Variants in ERCC6 observed in about 807,000 individuals in gnomAD.
ERCC6 encodes the protein DNA excision repair protein ERCC-6.
ERCC6 carries 116 observed loss-of-function variants against 158.7 expected under a neutral mutation model. That is an observed-to-expected ratio of 0.73 (90% CI 0.63 to 0.85). The LOEUF (loss-of-function observed/expected upper bound fraction) is 0.85, where lower values mean the gene tolerates loss of function less well. Among genes scored for constraint, ERCC6 ranks in the 40% least tolerant of loss-of-function variants. The pLI, the probability that ERCC6 is intolerant of heterozygous loss-of-function variation, is 0.00. For synonymous variants in ERCC6, 678 were observed against 659.3 expected, an observed-to-expected ratio of 1.03 and a Z score of -0.43; for missense variants, 1,698 against 1,799.4, an observed-to-expected ratio of 0.94 and a Z score of 1.02.
chr10:49,510,262 G>T (rs1341244802), intron 5 of ERCC6, among the ~76,000 whole-genome samples: 3 of 152,080 alleles, frequency 2.0e-5, no homozygotes, highest in Admixed American at 6.5e-5. Flanking sequence ...GCCATTTAAA[G>T]TTAATTTATT....
chr10:49,473,441 G>A lies in ERCC6; in HGVS notation c.2709+36C>T, dbSNP rs892990316. On this transcript the variant is annotated intron_variant, in intron 14 of 20. Coordinates refer to ENST00000355832, the MANE Select transcript of ERCC6 (RefSeq NM_000124.4). ...TAGTCCTTTCCCTCCACGTACAGCA[G>A]CACCACTCAACTTCCCTGTTACATT... The A allele has an allele frequency of 5.4e-6, 7 of 1,298,004 alleles. No individual in the cohort carries two copies. In the African/African-American group the frequency reaches 7.3e-5, roughly 13 times the overall value. The allele number at this position is 1,298,004 out of a possible 1,614,324, so 80.4% of individuals were successfully genotyped here.
At position 49,532,918 on chromosome 10, in the gene ERCC6, T is replaced by C; in HGVS notation, c.47A>G (p.Asp16Gly). The C allele has an allele frequency of 6.2e-7, 1 of 1,614,250 alleles. No individual in the cohort carries two copies. Among genetic ancestry groups the C allele is most frequent in the South Asian group, 1.1e-5 (1 of 91,088 alleles). Residue 16 changes from aspartate to glycine, a missense_variant, in exon 2 of 21, where the codon GAC becomes GGC. Physicochemically the swap from Asp to Gly is moderately conservative, Grantham distance 94. Coordinates refer to ENST00000355832, the MANE Select transcript of ERCC6 (RefSeq NM_000124.4). ...IPHSSQTQEQ[D>G]CLQSQPVSNN... is the part of the protein sequence containing the mutation. Reference sequence around the variant, plus strand: ...ACTGACAGGTTGACTCTGTAAACAGTCTTGCTCCTGAGTTTGACTTGAGTG... The same window carrying C: ...ACTGACAGGTTGACTCTGTAAACAGCCTTGCTCCTGAGTTTGACTTGAGTG...
intron 4 of ERCC6, among the ~76,000 whole-genome samples, chr10:49,526,642 C>A (rs1279931806): frequency 1.3e-5 from 2 of 152,164 alleles, no homozygotes. Flanking sequence ...GGTCTTTACA[C>A]TGAGTATTTT....
Position 49,538,806 on chromosome 10 carries a change from G to C in ERCC6, c.-15+156C>G, listed in dbSNP as rs3750747. Among the ~76,000 whole-genome samples, 48,201 of 152,154 alleles carry C rather than the reference G, an allele frequency of 0.32. 8,760 individuals are homozygous for C. The highest frequency in any genetic ancestry group is 0.42 in the Non-Finnish European group (28,219 of 67,964). On this transcript the variant is annotated intron_variant, in intron 1 of 20. Coordinates refer to ENST00000355832, the MANE Select transcript of ERCC6 (RefSeq NM_000124.4). The stretch of plus-strand genomic sequence containing the variant: ...GGTCTCAGGTGAGGCCGCCGGAAGC[G>C]GGCACTTGGCCCTAAGACCCGCTAC...
In ERCC6 at chr10:49,493,323, C is replaced by T. The variant is rs564588075; in HGVS notation, c.1686-71G>A. 25 of 1,577,776 alleles carry T rather than the reference C, an allele frequency of 1.6e-5. No individual in the cohort carries two copies. In the South Asian group the frequency reaches 2.3e-4, roughly 14 times the overall value. ...ACAGTCATCAACTGCTCAAAAGATC[C>T]CCCAAAACAACAAACAAAAAACTTA... On this transcript the variant is annotated intron_variant, in intron 7 of 20. Coordinates refer to ENST00000355832, the MANE Select transcript of ERCC6 (RefSeq NM_000124.4).
chr10:49,501,830 C>G (rs1851359758), intron 6 of ERCC6: 1 of 151,818 alleles, frequency 6.6e-6, no homozygotes, highest in Non-Finnish European at 1.5e-5. Flanking sequence ...AGTGGTGGCA[C>G]GTGCCTGTAG....
chr10:49,472,576 G>A (rs1172901277), intron 15 of ERCC6, 106 bp from the exon 16 acceptor site: 150 of 1,198,874 alleles, frequency 1.3e-4, no homozygotes, highest in Non-Finnish European at 1.3e-5. Flanking sequence ...CCCAGAGTTA[G>A]AATTTTGACT....
chr10:49,484,278 C>CAAAAA (rs60365716), intron 8 of ERCC6, among the ~76,000 whole-genome samples: 1 of 96,072 alleles, frequency 1.0e-5, no homozygotes. Flanking sequence ...GACTCTGCCT[C>CAAAAA]AAAAAAAAAA....
intron 11 of ERCC6, among the ~76,000 whole-genome samples, chr10:49,477,647 T>C (rs926421745): frequency 2.0e-5 from 3 of 152,090 alleles, no homozygotes; most frequent in African/African-American, 7.2e-5. Context: ...GCCTCCCCAG[T>C]CTTCCCAGCT....
At chr10:49,493,294 A>G in intron 7 of ERCC6, 42 bp from the exon 8 acceptor site, 9 of 1,613,056 alleles carry the variant, frequency 5.6e-6, no homozygotes, top group Non-Finnish European at 7.6e-6. Flanking sequence ...ATGAAAGAGC[A>G]TATACAGTCA....
chr10:49,536,449 G>A (rs79490275), intron 1 of ERCC6, among the ~76,000 whole-genome samples: 13,470 of 152,138 alleles, frequency 0.089, 810 homozygotes, highest in Non-Finnish European at 0.13. Context: ...CATCTTTCTC[G>A]GACTCTGGCA....
chr10:49,499,351 G>A (rs775467281), intron 7 of ERCC6, among the ~76,000 whole-genome samples: 2 of 152,156 alleles, frequency 1.3e-5, no homozygotes, highest in South Asian at 2.1e-4. Flanking sequence ...TAACGAAAGA[G>A]TAAGAAATAA....
chr10:49,538,903 C>G (rs919794697), intron 1 of ERCC6, 59 bp downstream of exon 1: 27 of 152,824 alleles, frequency 1.8e-4, no homozygotes, highest in African/African-American at 1.7e-4. Context: ...GCCCGAGAAG[C>G]CTGAGCTGGG....
the ERCC6 span, among the ~76,000 whole-genome samples, chr10:49,437,200 G>A: frequency 0.42 from 63,603 of 151,944 alleles, 14,321 homozygotes; most frequent in Non-Finnish European, 0.5. Context: ...CTTGCCTTCC[G>A]CCATGATTAT....
intron 10 of ERCC6, among the ~76,000 whole-genome samples, chr10:49,480,827 G>T (rs1850965754): frequency 6.6e-6 from 1 of 152,166 alleles, no homozygotes; most frequent in Non-Finnish European, 1.5e-5. Flanking sequence ...ATGAAGAAAT[G>T]TAAGGCAAAC....
At chr10:49,487,233 C>T (rs1203909893) in intron 8 of ERCC6, among the ~76,000 whole-genome samples, 1 of 152,144 alleles carries the variant, frequency 6.6e-6, no homozygotes, top group East Asian at 1.9e-4. Context: ...ATGTAACATT[C>T]AAAGAGTTAA....
the ERCC6 span, among the ~76,000 whole-genome samples, chr10:49,444,039 C>T: frequency 2.6e-5 from 4 of 152,316 alleles, no homozygotes; most frequent in South Asian, 6.2e-4. Flanking sequence ...GGGCAGGTGG[C>T]GGCTGCCAAG....
chr10:49,526,873 A>T (rs1564444353), intron 4 of ERCC6, among the ~76,000 whole-genome samples: 2 of 152,342 alleles, frequency 1.3e-5, no homozygotes, highest in East Asian at 3.9e-4. Context: ...ATGTCTACAG[A>T]TCTGTATAAG....
chr10:49,504,219 TATTA>T (rs1357410982), intron 6 of ERCC6: 3 of 152,140 alleles, frequency 2.0e-5, no homozygotes, highest in Non-Finnish European at 2.9e-5. Flanking sequence ...CTATCAATCC[TATTA>T]ATTTTTTTCA....
Sources: allele counts gnomAD v4.1 joint callset (sites outside exome capture counted in the v4.1 genomes callset), GRCh38; gene constraint gnomAD v4.1.1; transcripts MANE v1.5; gene names NCBI Gene and HGNC (gene_info 2026-07-23, HGNC 2026-07-21).